The following SLC35D1 variants were observed in gnomAD, a reference collection of about 807,000 sequenced individuals.
The protein encoded by SLC35D1 is solute carrier family 35 member D1.
A neutral mutation model predicts 46.7 loss-of-function variants in SLC35D1; 31 were observed. The observed-to-expected ratio is 0.66, with a 90% CI of 0.50 to 0.90. The LOEUF (loss-of-function observed/expected upper bound fraction) is 0.90, where lower values mean the gene tolerates loss of function less well. Ranked by LOEUF, SLC35D1 falls within the 40% of genes least tolerant of loss-of-function variation. The probability of loss-of-function intolerance (pLI) is 0.00; values close to 1 mark genes in which losing one functional copy is unlikely to be tolerated. For synonymous variants in SLC35D1, 195 were observed against 164.6 expected (o/e 1.18, Z -1.41); for missense variants, 397 against 426.2 (o/e 0.93, Z 0.60).
At chr1:67,011,654 T>C (rs1385056265) in intron 10 of SLC35D1, among the ~76,000 whole-genome samples, 1 of 152,048 alleles carries the variant, frequency 6.6e-6, no homozygotes. Context: ...GGCTAATTTT[T>C]TTTATTTTTG....
At chr1:67,008,438 G>A in intron 11 of SLC35D1, 8 of 1,288,498 alleles carry the variant, frequency 6.2e-6, no homozygotes, top group Non-Finnish European at 8.1e-6. Flanking sequence ...GACCTCTGTG[G>A]CAGATACAGC....
At chr1:66,973,124 GAGTAATTAT>G in the SLC35D1 span, 3 of 586,080 alleles carry the variant, frequency 5.1e-6, no homozygotes, top group East Asian at 8.8e-5. Context: ...GGTATTTAGT[GAGTAATTAT>G]AGTAAGGCTG....
chr1:67,016,976 G>C (rs1032518131), intron 10 of SLC35D1, among the ~76,000 whole-genome samples: 2 of 152,104 alleles, frequency 1.3e-5, no homozygotes, highest in East Asian at 1.9e-4. Flanking sequence ...AAGGGACCTC[G>C]AGTTATTTTA....
chr1:66,995,400 C>T (rs150237881), downstream of SLC35D1, among the ~76,000 whole-genome samples: 14 of 121,928 alleles, frequency 1.1e-4, no homozygotes, highest in East Asian at 1.9e-3. Context: ...CTTTCTAAAA[C>T]GCAAATGAGG....
chr1:66,989,251 G>A, the SLC35D1 span, among the ~76,000 whole-genome samples: 2 of 152,082 alleles, frequency 1.3e-5, no homozygotes, highest in African/African-American at 2.4e-5. Context: ...AAGAGAGGAC[G>A]CCTAATGCAA....
chr1:66,984,511 AAT>A, the SLC35D1 span: 8 of 1,181,628 alleles, frequency 6.8e-6, no homozygotes, highest in Non-Finnish European at 8.4e-6. Flanking sequence ...GCTGTTTTAT[AAT>A]AGTTTGCAAA....
At chr1:67,040,072 G>A (rs1206761551) in intron 8 of SLC35D1, among the ~76,000 whole-genome samples, 2 of 150,494 alleles carry the variant, frequency 1.3e-5, no homozygotes, top group Non-Finnish European at 2.9e-5. Context: ...ATGGCTCACT[G>A]CAGCCTCGAC....
chr1:67,020,945 G>T (rs945782778), intron 9 of SLC35D1, among the ~76,000 whole-genome samples: 3 of 152,294 alleles, frequency 2.0e-5, no homozygotes, highest in East Asian at 3.9e-4. Flanking sequence ...TTACACTGAG[G>T]CTTCTCAGCT....
At chr1:66,997,228 G>A (rs985914290), downstream of SLC35D1, among the ~76,000 whole-genome samples, 3 of 151,978 alleles carry the variant, frequency 2.0e-5, no homozygotes, top group African/African-American at 7.2e-5. Flanking sequence ...TCTGATAAAG[G>A]GGCTGGGCAC....
chr1:66,978,843 G>C, the SLC35D1 span, among the ~76,000 whole-genome samples: 1 of 152,066 alleles, frequency 6.6e-6, no homozygotes, highest in Non-Finnish European at 1.5e-5. Flanking sequence ...GGTTAGGTAG[G>C]GATGTGCCAC....
chr1:67,045,326 T>C (rs1022402110), intron 7 of SLC35D1, among the ~76,000 whole-genome samples: 4 of 152,248 alleles, frequency 2.6e-5, no homozygotes, highest in Non-Finnish European at 4.4e-5. Context: ...CTGTTACGCA[T>C]CATAAATCTG....
At chr1:67,021,760 G>C (rs905239216) in intron 8 of SLC35D1, among the ~76,000 whole-genome samples, 158 bp from the exon 9 acceptor site, 19 of 135,128 alleles carry the variant, frequency 1.4e-4, no homozygotes, top group African/African-American at 4.8e-4. Context: ...CACACACACA[G>C]GTATATGTTT....
chr1:67,031,976 T>C (rs1570629132), intron 8 of SLC35D1: 3 of 806,670 alleles, frequency 3.7e-6, no homozygotes, highest in African/African-American at 3.7e-5. Flanking sequence ...AAACTTCTGC[T>C]TCTAGAGAAA....
chr1:66,999,981 A>G lies in SLC35D1; in HGVS notation c.*4359T>C, dbSNP rs955912606. On this transcript the variant is annotated 3_prime_UTR_variant, in exon 12 of 12. Transcript: ENST00000235345. ...CTATGTTTCTTTAAGATAGAAAATA[A>G]TTTTCCTGGCCGGACATGTGGCACA... The G allele has an allele frequency of 6.6e-6, 1 of 152,088 alleles. No homozygotes were observed. The highest frequency in any genetic ancestry group is 1.5e-5 in the Non-Finnish European group (1 of 68,010). The allele number at this position is 152,088 out of a possible 1,614,324, so 9.4% of individuals were successfully genotyped here.
chr1:67,016,334 A>G (rs915348501), intron 10 of SLC35D1, among the ~76,000 whole-genome samples: 6 of 152,166 alleles, frequency 3.9e-5, no homozygotes, highest in Non-Finnish European at 8.8e-5. Context: ...AATGTAGTTT[A>G]CAATCGGTAG....
chr1:67,018,706 T>A (rs576367394), intron 10 of SLC35D1, among the ~76,000 whole-genome samples: 1 of 152,294 alleles, frequency 6.6e-6, no homozygotes, highest in South Asian at 2.1e-4. Context: ...GAAAAAGGAA[T>A]GCTGACCGAA....
intron 8 of SLC35D1, among the ~76,000 whole-genome samples, chr1:67,034,850 T>A (rs1668090297): frequency 6.6e-6 from 1 of 152,216 alleles, no homozygotes; most frequent in Non-Finnish European, 1.5e-5. Context: ...ATACTCAGTT[T>A]TTTGAGGATT....
chr1:67,052,154 ATT>A, intron 3 of SLC35D1, 75 bp from the exon 4 acceptor site: 8 of 1,089,922 alleles, frequency 7.3e-6, no homozygotes, highest in Non-Finnish European at 8.4e-6. Context: ...AACAGAAACA[ATT>A]TTGTTTATAT....
chr1:66,996,287 T>C (rs1667237675), downstream of SLC35D1, among the ~76,000 whole-genome samples: 1 of 152,252 alleles, frequency 6.6e-6, no homozygotes, highest in Non-Finnish European at 1.5e-5. Context: ...CTTTGCCTTC[T>C]CAGATTAAAC....
Sources: allele counts gnomAD v4.1 joint callset (sites outside exome capture counted in the v4.1 genomes callset), GRCh38; gene constraint gnomAD v4.1.1; transcripts MANE v1.5; gene names NCBI Gene and HGNC (gene_info 2026-07-23, HGNC 2026-07-21).